Variants in JARID2 observed in about 807,000 individuals in gnomAD.
The protein encoded by JARID2 is jumonji and AT-rich interaction domain containing 2.
JARID2 carries 21 observed loss-of-function variants against 125.6 expected under a neutral mutation model. The ratio of observed to expected loss-of-function variants is 0.17; its 90% CI spans 0.12 to 0.24. The LOEUF (loss-of-function observed/expected upper bound fraction) is 0.24. JARID2 is among the 10% of genes least tolerant of loss of function. The probability of loss-of-function intolerance (pLI) is 1.00; values close to 1 mark genes in which losing one functional copy is unlikely to be tolerated. For synonymous variants in JARID2, 736 were observed against 661.6 expected, an observed-to-expected ratio of 1.11 and a Z score of -1.73; for missense variants, 1,303 against 1,639.6, an observed-to-expected ratio of 0.79 and a Z score of 3.55.
intron 1 of JARID2, among the ~76,000 whole-genome samples, chr6:15,283,433 T>C (rs1443517228): frequency 3.5e-5 from 5 of 143,762 alleles, no homozygotes; most frequent in Admixed American, 2.8e-4. Context: ...CTCCACCTCC[T>C]GGGTTCATGC....
chr6:15,370,690 A>T (rs972628138), intron 1 of JARID2, among the ~76,000 whole-genome samples: 2 of 152,138 alleles, frequency 1.3e-5, no homozygotes, highest in Non-Finnish European at 2.9e-5. Context: ...TCCTGAATGA[A>T]GAATGATATA....
chr6:15,275,532 C>T (rs1205365575), intron 1 of JARID2, among the ~76,000 whole-genome samples: 1 of 30,140 alleles, frequency 3.3e-5, no homozygotes, highest in Admixed American at 3.1e-4. Context: ...CCGCCCCCCC[C>T]GCCCCCCCCC....
At chr6:15,253,382 G>A (rs1228273118) in intron 1 of JARID2, among the ~76,000 whole-genome samples, 1 of 152,096 alleles carries the variant, frequency 6.6e-6, no homozygotes, top group African/African-American at 2.4e-5. Flanking sequence ...TTTTTAAAAT[G>A]CAGTTCTGAT....
At chr6:15,277,887 T>TC (rs892592898) in intron 1 of JARID2, among the ~76,000 whole-genome samples, 1 of 151,684 alleles carries the variant, frequency 6.6e-6, no homozygotes, top group African/African-American at 2.4e-5. Context: ...AAGAAATCCT[T>TC]TTTTTTGGAG....
rs1180696178 is a variant in JARID2, at chr6:15,286,861, CA to C, written c.45+40290del. ...TGGGCGACAGAGCGAGACTCCATCT[CA>C]AAAAAAAAAAAAGCGCCTCTTAATA... On this transcript the variant is annotated intron_variant, in intron 1 of 17. Transcript: ENST00000341776. 1.0e-2 allele frequency among the ~76,000 whole-genome samples: 1,112 copies of C among 111,272 alleles called. 4 individuals are homozygous for C. The highest frequency in any genetic ancestry group is 0.027 in the Middle Eastern group (6 of 224). The allele number at this position is 111,272 out of a possible 152,430, so 73.0% of individuals were successfully genotyped here. A position where few individuals can be genotyped will look rare whatever the true frequency, so the allele number is the denominator to read the frequency against.
At chr6:15,375,700 C>T (rs982353686) in intron 2 of JARID2, among the ~76,000 whole-genome samples, 7 of 152,132 alleles carry the variant, frequency 4.6e-5, no homozygotes, top group African/African-American at 1.4e-4. Context: ...CATTGATTCA[C>T]GTTGAACGTA....
intron 6 of JARID2, among the ~76,000 whole-genome samples, chr6:15,489,688 G>A (rs1770052938): frequency 6.6e-6 from 1 of 152,240 alleles, no homozygotes; most frequent in Admixed American, 6.5e-5. Flanking sequence ...AGGATCTTAG[G>A]TGCAGGAAAG....
chr6:15,398,274 T>C (rs1042710074), intron 2 of JARID2, among the ~76,000 whole-genome samples: 1 of 152,232 alleles, frequency 6.6e-6, no homozygotes, highest in African/African-American at 2.4e-5. Flanking sequence ...GTTTAAGATT[T>C]ATGACTTGCT....
chr6:15,372,767 T>C (rs1460413762), intron 1 of JARID2, among the ~76,000 whole-genome samples: 1 of 152,020 alleles, frequency 6.6e-6, no homozygotes, highest in African/African-American at 2.4e-5. Flanking sequence ...TGGAGTGAAG[T>C]GGCACGATCT....
intron 12 of JARID2, among the ~76,000 whole-genome samples, chr6:15,509,749 C>T (rs1462907245): frequency 4.3e-4 from 66 of 152,290 alleles, no homozygotes; most frequent in Admixed American, 2.0e-4. Flanking sequence ...ACCTCAGGCC[C>T]GAGTTTCTTC....
intron 5 of JARID2, among the ~76,000 whole-genome samples, chr6:15,473,514 G>GCCCCCCCCCCCCCCC (rs3841758): frequency 2.9e-5 from 1 of 35,000 alleles, no homozygotes; most frequent in Admixed American, 4.5e-4. Context: ...TGATGTGCGT[G>GCCCCCCCCCCCCCCC]CCCCCCCCCC....
chr6:15,262,684 T>G (rs1454506881), intron 1 of JARID2, among the ~76,000 whole-genome samples: 1 of 151,940 alleles, frequency 6.6e-6, no homozygotes. Context: ...ATTACAGGTG[T>G]GCGCCACCAC....
chr6:15,509,461 T>TC, intron 12 of JARID2: 1 of 572,026 alleles, frequency 1.7e-6, no homozygotes, highest in Non-Finnish European at 2.2e-6. Context: ...GAGGGAGCCC[T>TC]CCCTTCCCAC....
chr6:15,294,437 C>T (rs1164080602), intron 1 of JARID2, among the ~76,000 whole-genome samples: 1 of 152,202 alleles, frequency 6.6e-6, no homozygotes. Context: ...CGTGATCCGC[C>T]CACCTTGGCC....
intron 3 of JARID2, among the ~76,000 whole-genome samples, chr6:15,448,240 T>C (rs1356308681): frequency 6.6e-6 from 1 of 152,218 alleles, no homozygotes; most frequent in Non-Finnish European, 1.5e-5. Context: ...TTTTAATGTG[T>C]TATTGCCTTA....
chr6:15,293,585 C>G (rs1245827822), intron 1 of JARID2, among the ~76,000 whole-genome samples: 2 of 152,120 alleles, frequency 1.3e-5, no homozygotes, highest in Non-Finnish European at 2.9e-5. Flanking sequence ...TGTTCCTAGC[C>G]AGGGAGACAG....
rs1265763499 is a variant in JARID2, at chr6:15,283,488, G to GCCCGC, written c.45+36905_45+36906insCCGCC. 3.2e-3 allele frequency among the ~76,000 whole-genome samples: 427 copies of GCCCGC among 133,898 alleles called. 6 individuals are homozygous for GCCCGC. Among genetic ancestry groups the GCCCGC allele is most frequent in the African/African-American group, 0.011 (390 of 35,270 alleles). 87.8% of individuals were successfully genotyped at this position (133,898 alleles called of 152,430 possible). A position where few individuals can be genotyped will look rare whatever the true frequency, so the allele number is the denominator to read the frequency against. The stretch of plus-strand genomic sequence containing the variant: ...CCCGAGTAGCTGGGACTACAGGCAT[G>GCCCGC]CACCAGCTACGCCCGGCTAATTTTC... On this transcript the variant is annotated intron_variant, in intron 1 of 17. Coordinates refer to ENST00000341776, the MANE Select transcript of JARID2 (RefSeq NM_004973.4).
intron 3 of JARID2, among the ~76,000 whole-genome samples, chr6:15,437,923 A>C (rs893992619): frequency 3.9e-5 from 6 of 152,196 alleles, no homozygotes; most frequent in African/African-American, 1.4e-4. Flanking sequence ...GAACAAGTGA[A>C]TTTTTGGAAA....
At chr6:15,405,381 C>T (rs1765607530) in intron 2 of JARID2, among the ~76,000 whole-genome samples, 4 of 152,206 alleles carry the variant, frequency 2.6e-5, no homozygotes, top group Admixed American at 2.6e-4. Flanking sequence ...ATGGACACTG[C>T]CTTGTGGCTA....
Sources: gnomAD v4.1 joint callset for allele counts (sites outside exome capture counted in the v4.1 genomes callset) on GRCh38, gnomAD v4.1.1 for gene constraint, MANE v1.5 for transcripts, NCBI Gene and HGNC (gene_info 2026-07-23, HGNC 2026-07-21) for gene names.